RERE: variants seen among roughly 807,000 people sequenced by gnomAD.
RERE encodes the protein arginine-glutamic acid dipeptide repeats.
A neutral mutation model predicts 146.1 loss-of-function variants in RERE; 40 were observed. The observed-to-expected ratio is 0.27, with a 90% CI of 0.21 to 0.36. The LOEUF (loss-of-function observed/expected upper bound fraction) is 0.36. Among genes scored for constraint, RERE ranks in the 10% least tolerant of loss-of-function variants. The probability of loss-of-function intolerance (pLI) is 1.00; values close to 1 mark genes in which losing one functional copy is unlikely to be tolerated. For missense variants in RERE, 1,933 were observed against 2,138.7 expected (o/e 0.90, Z 1.90); for synonymous variants, 1,003 against 866.0 (o/e 1.16, Z -2.78).
chr1:8,546,853 C>CA (rs112798481), intron 6 of RERE, among the ~76,000 whole-genome samples: 5,664 of 89,816 alleles, frequency 0.063, 279 homozygotes, highest in African/African-American at 0.18. Flanking sequence ...CAAAACAAAA[C>CA]AAAAAAAAAA....
At chr1:8,655,729 G>A (rs1162075503) in intron 2 of RERE, among the ~76,000 whole-genome samples, 2 of 152,162 alleles carry the variant, frequency 1.3e-5, no homozygotes, top group African/African-American at 4.8e-5. Context: ...AGCAGCACAG[G>A]AAAATAAGAA....
At chr1:8,467,593 C>T (rs1644617260) in intron 10 of RERE, among the ~76,000 whole-genome samples, 1 of 152,182 alleles carries the variant, frequency 6.6e-6, no homozygotes, top group East Asian at 1.9e-4. Context: ...AGTCTCTCTT[C>T]CAAACATTTA....
chr1:8,795,925 T>TG lies in RERE; in HGVS notation c.-145+21234dup, dbSNP rs1227907579. ...TGAACCTAGGAGACAGAGGTTGTGG[T>TG]GAGCCGCGATTGCACCATTACACTC... is the stretch of plus-strand genomic sequence containing the variant. On this transcript the variant is annotated intron_variant, in intron 1 of 22. Transcript: ENST00000400908. 2.9e-5 allele frequency among the ~76,000 whole-genome samples: 4 copies of TG among 140,060 alleles called. No homozygotes were observed. The East Asian group carries it at 8.2e-4, about 29-fold the overall frequency. The allele number at this position is 140,060 out of a possible 152,430, so 91.9% of individuals were successfully genotyped here.
At position 8,703,858 on chromosome 1, in the gene RERE, A is replaced by G. The variant is rs1569587503; in HGVS notation, c.-144-47417T>C. On this transcript the variant is annotated intron_variant, in intron 1 of 22. Transcript: ENST00000400908. ...TTTCAAAGATGCACCGGGAGAAAGC[A>G]GCATTGTTTCGTGTCAAAGAACACT... Among the ~76,000 whole-genome samples, 3 of 152,240 alleles carry G rather than the reference A, an allele frequency of 2.0e-5. No homozygotes were observed. In the East Asian group the frequency reaches 5.8e-4, roughly 29 times the overall value.
intron 12 of RERE, among the ~76,000 whole-genome samples, chr1:8,384,275 C>T (rs766928252): frequency 2.0e-5 from 3 of 152,164 alleles, no homozygotes; most frequent in Admixed American, 6.5e-5. Context: ...CTGAGTCATG[C>T]GCATCCTGTT....
Position 8,629,997 on chromosome 1 carries a change from G to A in RERE, c.326-5617C>T, listed in dbSNP as rs188682707. ...GGAAGTTGACTCTCAGGACTGCACC[G>A]CTCTTCTGCTTTCTGTTTCTCCTCT... On this transcript the variant is annotated intron_variant, in intron 2 of 22. Transcript: ENST00000400908. Among the ~76,000 whole-genome samples, 8 of 152,254 alleles carry A rather than the reference G, an allele frequency of 5.3e-5. No individual in the cohort carries two copies. The East Asian group carries it at 9.7e-4, about 18-fold the overall frequency.
intron 8 of RERE, among the ~76,000 whole-genome samples, 178 bp downstream of exon 8, chr1:8,508,449 A>T (rs2124298100): frequency 1.3e-5 from 2 of 152,346 alleles, no homozygotes; most frequent in South Asian, 4.1e-4. Context: ...TTGCACTTAA[A>T]AATGGGAGAT....
intron 11 of RERE, among the ~76,000 whole-genome samples, chr1:8,427,810 C>T (rs1204356038): frequency 2.6e-5 from 4 of 152,082 alleles, no homozygotes; most frequent in Admixed American, 6.6e-5. Flanking sequence ...GAAACAAAGA[C>T]GACCACTCAC....
chr1:8,498,695 CAAAA>C (rs1203388426), intron 8 of RERE, among the ~76,000 whole-genome samples: 2 of 96,844 alleles, frequency 2.1e-5, no homozygotes, highest in Admixed American at 1.3e-4. Flanking sequence ...GACTCCATCT[CAAAA>C]AAAAAAAAAA....
Position 8,541,243 on chromosome 1 carries a change from G to A in RERE, c.801C>T (p.Phe267=). The stretch of plus-strand genomic sequence containing the variant: ...TCTCAGGGTTATATCCTAATATGTA[G>A]AAAAATGAATCCACTCGGGCTTTAA... The part of the protein sequence containing the change: ...REFKARVDSF[F]YILGYNPETR... The change falls in exon 7 of 23, where the codon TTC becomes TTT. Residue 267 remains phenylalanine, a synonymous_variant. Transcript: ENST00000400908. The A allele has an allele frequency of 6.2e-7, 1 of 1,607,584 alleles. No homozygotes were observed. Among genetic ancestry groups the A allele is most frequent in the Non-Finnish European group, 8.5e-7 (1 of 1,174,484 alleles).
At chr1:8,521,148 A>G (rs1645492377) in intron 7 of RERE, among the ~76,000 whole-genome samples, 1 of 141,930 alleles carries the variant, frequency 7.0e-6, no homozygotes, top group South Asian at 2.2e-4. Context: ...CCAATATTAT[A>G]AATTATGGAA....
At chr1:8,565,936 A>G (rs1477145634) in intron 4 of RERE, among the ~76,000 whole-genome samples, 2 of 152,068 alleles carry the variant, frequency 1.3e-5, no homozygotes, top group Non-Finnish European at 2.9e-5. Flanking sequence ...GACTCCACAG[A>G]CTCTTCTCAG....
chr1:8,496,150 T>TAAAAAAAAAAAA (rs36115213), intron 9 of RERE, among the ~76,000 whole-genome samples: 10 of 118,430 alleles, frequency 8.4e-5, no homozygotes, highest in African/African-American at 3.0e-4. Context: ...GACCCTGTCT[T>TAAAAAAAAAAAA]AAAAAAAAAA....
chr1:8,776,557 C>G (rs1048150433), intron 1 of RERE, among the ~76,000 whole-genome samples: 3 of 152,162 alleles, frequency 2.0e-5, no homozygotes, highest in African/African-American at 7.2e-5. Context: ...CTTGGCCTCC[C>G]AAAGTGCAGG....
intron 2 of RERE, among the ~76,000 whole-genome samples, chr1:8,653,319 C>A (rs1647725744): frequency 6.6e-6 from 1 of 152,108 alleles, no homozygotes; most frequent in African/African-American, 2.4e-5. Context: ...TGACAGTGAT[C>A]CAAACTGTAT....
intron 7 of RERE, among the ~76,000 whole-genome samples, chr1:8,539,211 C>A (rs1296281302): frequency 6.6e-6 from 1 of 152,100 alleles, no homozygotes; most frequent in Non-Finnish European, 1.5e-5. Flanking sequence ...CAAGTTCAAG[C>A]ATTTTACAAT....
chr1:8,702,585 G>A (rs1281910099), intron 1 of RERE, among the ~76,000 whole-genome samples: 1 of 152,152 alleles, frequency 6.6e-6, no homozygotes, highest in Non-Finnish European at 1.5e-5. Flanking sequence ...TGTCACTTAA[G>A]TAGCCTCAAA....
At position 8,497,454 on chromosome 1, in the gene RERE, T is replaced by C; in HGVS notation, c.955A>G (p.Met319Val). 6.2e-7 allele frequency: 1 copy of C among 1,614,130 alleles called. No homozygotes were observed. The highest frequency in any genetic ancestry group is 8.5e-7 in the Non-Finnish European group (1 of 1,180,010). ...TVTQHEELVW[M>V]PGVNDCDLLM... ...AGGTCACAGTCGTTAACTCCAGGCA[T>C]CCAGACCAGTTCCTCATGTTGGGTC... Residue 319 changes from methionine to valine, a missense_variant, in exon 9 of 23, where the codon ATG becomes GTG. Met to Val is a conservative substitution (Grantham distance 21, BLOSUM62 1). Coordinates refer to ENST00000400908, the MANE Select transcript of RERE (RefSeq NM_001042681.2).
At chr1:8,443,053 A>AC (rs1371884895) in intron 11 of RERE, among the ~76,000 whole-genome samples, 1 of 152,242 alleles carries the variant, frequency 6.6e-6, no homozygotes, top group African/African-American at 2.4e-5. Flanking sequence ...GGCTGCTTCT[A>AC]CTAGCTTAAC....
Sources: gnomAD v4.1 joint callset for allele counts (sites outside exome capture counted in the v4.1 genomes callset) on GRCh38, gnomAD v4.1.1 for gene constraint, MANE v1.5 for transcripts, NCBI Gene and HGNC (gene_info 2026-07-23, HGNC 2026-07-21) for gene names.